RLN1: variants seen among roughly 807,000 people sequenced by gnomAD.
RLN1 encodes the protein prorelaxin H1.
Under a neutral mutation model 7.2 loss-of-function variants are expected in RLN1, and 4 were observed. That is an observed-to-expected ratio of 0.56 (90% CI 0.28 to 1.28). The LOEUF (loss-of-function observed/expected upper bound fraction) is 1.28. RLN1 is among the 50% of genes most tolerant of loss of function. The probability of loss-of-function intolerance (pLI) is 0.11; values close to 1 mark genes in which losing one functional copy is unlikely to be tolerated. For synonymous variants in RLN1, 105 were observed against 86.0 expected (o/e 1.22, Z -1.22); for missense variants, 293 against 221.1 (o/e 1.32, Z -2.06).
intron 1 of RLN1, among the ~76,000 whole-genome samples, chr9:5,337,482 C>A (rs1321317677): frequency 5.9e-5 from 9 of 151,970 alleles, no homozygotes. Context: ...GCAAATCTTA[C>A]TGAAATAGAT....
At chr9:5,339,325 C>A in intron 1 of RLN1, 1 of 454,634 alleles carries the variant, frequency 2.2e-6, no homozygotes, top group Non-Finnish European at 3.7e-6. Flanking sequence ...TCCCTCCGTC[C>A]GGTGAGATTC....
At position 5,339,536 on chromosome 9, in the gene RLN1, C is replaced by G. The variant is rs990678360; in HGVS notation, c.211G>C (p.Glu71Gln). ...GCCGGGAGGGGGCGGGAGCTCTCAC[C>G]TGCCACTGGTCTAGGTGTCTGAGGA... is the stretch of plus-strand genomic sequence containing the variant. ...DAPQTPRPVA[E>Q]IVPSFINKDT... Residue 71 changes from glutamate to glutamine, a missense_variant and splice_region_variant, in exon 1 of 2, where the codon GAA becomes CAA. By Grantham distance (29) the Glu-to-Gln change is conservative. Coordinates refer to ENST00000223862, the MANE Select transcript of RLN1 (RefSeq NM_006911.4). The G allele has an allele frequency of 6.4e-7, 1 of 1,573,934 alleles. No homozygotes were observed. The highest frequency in any genetic ancestry group is 8.6e-7 in the Non-Finnish European group (1 of 1,162,730).
upstream of RLN1, among the ~76,000 whole-genome samples, chr9:5,340,258 C>A (rs1816965147): frequency 6.6e-6 from 1 of 152,058 alleles, no homozygotes; most frequent in Non-Finnish European, 1.5e-5. Flanking sequence ...GCATATCAAT[C>A]CATAAAAATA....
In RLN1 at chr9:5,335,260, T is replaced by C. The variant is rs1455318079; in HGVS notation, c.549A>G (p.Lys183=). Residue 183 remains lysine (K), a synonymous_variant, in exon 2 of 2, where the codon AAA becomes AAG. Coordinates refer to ENST00000223862, the MANE Select transcript of RLN1 (RefSeq NM_006911.4). ...CACAATTAGCTTCATCTCAGCAATATTTAGCAAGAGACCTTTTGGTACAAC... is the reference window on the plus strand; with the variant it reads ...CACAATTAGCTTCATCTCAGCAATACTTAGCAAGAGACCTTTTGGTACAAC... The part of the protein sequence containing the change: ...LIGCTKRSLA[K]YC 1.3e-6 allele frequency: 2 copies of C among 1,583,406 alleles called. No homozygotes were observed. The highest frequency in any genetic ancestry group is 2.7e-5 in the African/African-American group (2 of 72,978).
At chr9:5,336,839 T>C (rs1203531565) in intron 1 of RLN1, among the ~76,000 whole-genome samples, 1 of 151,960 alleles carries the variant, frequency 6.6e-6, no homozygotes, top group East Asian at 1.9e-4. Context: ...GGTTAACCAC[T>C]GATGCCTGCT....
Position 5,335,169 on chromosome 9 carries a change from G to C in RLN1, c.*82C>G. ...AAGATTTCTTATATTCTAATAATTA[G>C]TGGGACCTGACAGAAGCATCAGTGA... On this transcript the variant is annotated 3_prime_UTR_variant, in exon 2 of 2. Transcript: ENST00000223862. The C allele has an allele frequency of 2.7e-6, 2 of 736,008 alleles. No homozygotes were observed. Among genetic ancestry groups the C allele is most frequent in the East Asian group, 2.7e-5 (1 of 36,694 alleles). The allele number at this position is 736,008 out of a possible 1,614,324, so 45.6% of individuals were successfully genotyped here. A position where few individuals can be genotyped will look rare whatever the true frequency, so the allele number is the denominator to read the frequency against.
chr9:5,337,323 G>T (rs1816917577), intron 1 of RLN1, among the ~76,000 whole-genome samples: 1 of 152,038 alleles, frequency 6.6e-6, no homozygotes, highest in South Asian at 2.1e-4. Context: ...TTCATAGGCT[G>T]TGTGTTTTGA....
chr9:5,339,887 GGCTATCACTCA>G, upstream of RLN1: 1 of 793,868 alleles, frequency 1.3e-6, no homozygotes, highest in Non-Finnish European at 2.0e-6. Flanking sequence ...CTTTAGTATG[GGCTATCACTCA>G]GCTTTTAAGG....
Position 5,335,629 on chromosome 9 carries a change from G to A in RLN1, c.212-32C>T, listed in dbSNP as rs756734959. On this transcript the variant is annotated intron_variant, in intron 1 of 1. Coordinates refer to ENST00000223862, the MANE Select transcript of RLN1 (RefSeq NM_006911.4). ...AGTTTAAAAAAAAAGTGTATGTGAA[G>A]GCGTATTCACGTCAAAGAGCATTCA... 7 of 1,405,590 alleles carry A rather than the reference G, an allele frequency of 5.0e-6. No homozygotes were observed. In the African/African-American group the frequency reaches 1.0e-4, roughly 20 times the overall value. The allele number at this position is 1,405,590 out of a possible 1,614,324, so 87.1% of individuals were successfully genotyped here.
rs1816867371 is a variant in RLN1, at chr9:5,335,449, C to G, written c.360G>C (p.Lys120Asn). 6.2e-7 allele frequency: 1 copy of G among 1,613,588 alleles called. No individual in the cohort carries two copies. Among genetic ancestry groups the G allele is most frequent in the Non-Finnish European group, 8.5e-7 (1 of 1,179,804 alleles). The change falls in exon 2 of 2, where the codon AAG becomes AAC. Residue 120 changes from lysine (K) to asparagine (N), a missense_variant. Transcript: ENST00000223862. ...PELQQYVPAL[K>N]DSNLSFEEFK... The stretch of plus-strand genomic sequence containing the variant: ...ATTCTTCAAAGCTAAGATTGGAATC[C>G]TTTAATGCAGGTACATACTGCTGTA...
intron 1 of RLN1, 76 bp from the exon 2 acceptor site, chr9:5,335,673 G>GCAAA: frequency 2.3e-6 from 2 of 862,852 alleles, no homozygotes; most frequent in Non-Finnish European, 3.6e-6. Flanking sequence ...GTGAATGTTT[G>GCAAA]CATACACAAA....
chr9:5,339,118 G>A, intron 1 of RLN1: 1 of 157,046 alleles, frequency 6.4e-6, no homozygotes, highest in Non-Finnish European at 1.1e-5. Flanking sequence ...CTGTTCAGGT[G>A]CCCCCACCAG....
At chr9:5,335,896 A>G (rs1816880927) in intron 1 of RLN1, among the ~76,000 whole-genome samples, 3 of 151,980 alleles carry the variant, frequency 2.0e-5, no homozygotes, top group South Asian at 4.2e-4. Flanking sequence ...TTACTCTGTC[A>G]TCTTTCTGAA....
In RLN1 at chr9:5,335,312, G is replaced by A. The variant is rs1192413781; in HGVS notation, c.497C>T (p.Ala166Val). 4 of 1,609,402 alleles carry A rather than the reference G, an allele frequency of 2.5e-6. No homozygotes were observed. Among genetic ancestry groups the A allele is most frequent in the South Asian group, 2.2e-5 (2 of 89,678 alleles). The change falls in exon 2 of 2, where the codon GCA becomes GTA. Residue 166 changes from alanine (A) to valine (V), a missense_variant. Coordinates refer to ENST00000223862, the MANE Select transcript of RLN1 (RefSeq NM_006911.4). Reference protein sequence around the residue: ...HSQKKRRPYVALFEKCCLIGC... With the variant: ...HSQKKRRPYVVLFEKCCLIGC... ...AATTAGGCAACATTTCTCAAACAGT[G>A]CCACGTAGGGTCGTCTCTTTTTTTG...
At chr9:5,335,622 A>C in intron 1 of RLN1, 25 bp from the exon 2 acceptor site, 1 of 1,487,584 alleles carries the variant, frequency 6.7e-7, no homozygotes, top group Non-Finnish European at 9.3e-7. Context: ...AAAAAAGTGT[A>C]TGTGAAGGCG....
intron 1 of RLN1, among the ~76,000 whole-genome samples, chr9:5,336,324 T>A (rs1312630826): frequency 6.6e-6 from 1 of 152,086 alleles, no homozygotes; most frequent in East Asian, 1.9e-4. Flanking sequence ...TGACTAATGT[T>A]TTCTGTCTGA....
At position 5,335,095 on chromosome 9, in the gene RLN1, T is replaced by C. The variant is rs1434370320; in HGVS notation, c.*156A>G. ...GTGTCATTTACAGAAACTACAATCA[T>C]ACAAAGAATATTTTCTTACACACCA... On this transcript the variant is annotated 3_prime_UTR_variant, in exon 2 of 2. Transcript: ENST00000223862. 1.6e-5 allele frequency: 8 copies of C among 514,206 alleles called. No individual in the cohort carries two copies. Among genetic ancestry groups the C allele is most frequent in the Admixed American group, 1.1e-4 (3 of 27,044 alleles). 31.9% of individuals were successfully genotyped at this position (514,206 alleles called of 1,614,324 possible).
Position 5,335,586 on chromosome 9 carries a change from A to G in RLN1, c.223T>C (p.Ser75Pro). 1.2e-6 allele frequency: 2 copies of G among 1,603,206 alleles called. No individual in the cohort carries two copies. Among genetic ancestry groups the G allele is most frequent in the Non-Finnish European group, 1.7e-6 (2 of 1,172,820 alleles). ...GTTTCTGTATCTTTGTTGATGAAGG[A>G]TGGTACAATTTCTGTTAAGTTTAAA... ...TPRPVAEIVP[S>P]FINKDTETII... The change falls in exon 2 of 2, where the codon TCC (serine) becomes CCC (proline). Residue 75 changes from serine (S) to proline (P), a missense_variant. Coordinates refer to ENST00000223862, the MANE Select transcript of RLN1 (RefSeq NM_006911.4).
upstream of RLN1, among the ~76,000 whole-genome samples, chr9:5,340,333 T>C (rs1816966559): frequency 6.6e-6 from 1 of 152,220 alleles, no homozygotes; most frequent in African/African-American, 2.4e-5. Context: ...TGAATCCAGG[T>C]AAAAAGATTA....
Sources: gnomAD v4.1 joint callset for allele counts (sites outside exome capture counted in the v4.1 genomes callset) on GRCh38, gnomAD v4.1.1 for gene constraint, MANE v1.5 for transcripts, NCBI Gene and HGNC (gene_info 2026-07-23, HGNC 2026-07-21) for gene names.